Variants in PRKG1 observed in about 807,000 individuals in gnomAD.
PRKG1 encodes the protein cGMP-dependent protein kinase 1.
In PRKG1, 35 loss-of-function variants were observed where a neutral mutation model predicts 88.1. That is an observed-to-expected ratio of 0.40 (90% CI 0.30 to 0.53). PRKG1 has a LOEUF of 0.53. PRKG1 is among the 20% of genes least tolerant of loss of function. PRKG1 has a pLI of 0.59. For synonymous variants in PRKG1, 303 were observed against 292.5 expected (o/e 1.04, Z -0.37); for missense variants, 540 against 839.8 (o/e 0.64, Z 4.41).
At chr10:51,377,922 G>A (rs879606631) in intron 2 of PRKG1, among the ~76,000 whole-genome samples, 1 of 152,178 alleles carries the variant, frequency 6.6e-6, no homozygotes, top group Non-Finnish European at 1.5e-5. Flanking sequence ...TCTGAAGGTT[G>A]AGAGACCTGG....
intron 5 of PRKG1, among the ~76,000 whole-genome samples, chr10:52,027,044 G>C (rs1845359085): frequency 6.6e-6 from 1 of 152,176 alleles, no homozygotes; most frequent in Non-Finnish European, 1.5e-5. Flanking sequence ...ATTGTTTTGT[G>C]ACTGTGTCTG....
intron 5 of PRKG1, among the ~76,000 whole-genome samples, chr10:52,012,285 A>G (rs1844908113): frequency 6.9e-6 from 1 of 144,448 alleles, no homozygotes; most frequent in Non-Finnish European, 1.5e-5. Context: ...TGTAGTGCCC[A>G]GGCTGGAGTA....
intron 4 of PRKG1, among the ~76,000 whole-genome samples, chr10:51,834,906 G>T (rs1230877317): frequency 6.6e-6 from 1 of 151,964 alleles, no homozygotes; most frequent in Non-Finnish European, 1.5e-5. Flanking sequence ...AGAAACATCA[G>T]AAATTAATTG....
At position 51,339,925 on chromosome 10, in the gene PRKG1, T is replaced by C. The variant is rs537789946; in HGVS notation, c.479-127798T>C. On this transcript the variant is annotated intron_variant, in intron 2 of 17. Coordinates refer to ENST00000373980, the MANE Select transcript of PRKG1 (RefSeq NM_006258.4). ...TCCTACAGATAAATTCCTAGAAGAC[T>C]TGCTGAGACAAGATGTTATCACATT... 3.3e-5 allele frequency among the ~76,000 whole-genome samples: 5 copies of C among 152,242 alleles called. No homozygotes were observed. The East Asian group carries it at 9.6e-4, about 29-fold the overall frequency.
chr10:51,699,969 C>G (rs1211215889), intron 3 of PRKG1, among the ~76,000 whole-genome samples: 1 of 152,230 alleles, frequency 6.6e-6, no homozygotes, highest in Non-Finnish European at 1.5e-5. Flanking sequence ...AACCGCCAAC[C>G]GAAAGCGGAT....
intron 2 of PRKG1, among the ~76,000 whole-genome samples, chr10:51,261,881 A>ATTTTTTTTTT (rs375382268): frequency 0.01 from 1,263 of 120,496 alleles, 29 homozygotes; most frequent in Non-Finnish European, 0.015. Flanking sequence ...GGATTTTCTA[A>ATTTTTTTTTT]TTTTTTTTTT....
intron 2 of PRKG1, among the ~76,000 whole-genome samples, chr10:51,182,982 G>T (rs1458773111): frequency 2.0e-5 from 3 of 152,084 alleles, no homozygotes; most frequent in Non-Finnish European, 4.4e-5. Context: ...ATTGATTTTG[G>T]ACATATTTAA....
At chr10:51,887,278 C>T (rs538215703) in intron 4 of PRKG1, among the ~76,000 whole-genome samples, 50 of 151,770 alleles carry the variant, frequency 3.3e-4, no homozygotes, top group African/African-American at 1.1e-3. Context: ...AGCCACAGCA[C>T]CTGGCCCACG....
chr10:51,069,310 A>G (rs995296563), intron 1 of PRKG1, among the ~76,000 whole-genome samples: 9 of 151,988 alleles, frequency 5.9e-5, no homozygotes, highest in African/African-American at 2.2e-4. Flanking sequence ...CAGCCAAACT[A>G]TTTCAATTTT....
intron 9 of PRKG1, among the ~76,000 whole-genome samples, chr10:52,189,910 T>C (rs1361662679): frequency 6.6e-6 from 1 of 152,202 alleles, no homozygotes; most frequent in Non-Finnish European, 1.5e-5. Context: ...TAATAATGAG[T>C]ATTCTCATTT....
chr10:52,163,417 T>A (rs980211805), intron 9 of PRKG1, among the ~76,000 whole-genome samples: 1 of 151,174 alleles, frequency 6.6e-6, no homozygotes, highest in Non-Finnish European at 1.5e-5. Flanking sequence ...ATAGAACAAC[T>A]GATGGTAATC....
At chr10:52,188,333 T>C (rs992671255) in intron 9 of PRKG1, among the ~76,000 whole-genome samples, 11 of 144,348 alleles carry the variant, frequency 7.6e-5, no homozygotes, top group African/African-American at 1.8e-4. Flanking sequence ...TATATACACA[T>C]ATATATATAT....
chr10:51,978,242 T>A (rs985753620), intron 5 of PRKG1, among the ~76,000 whole-genome samples: 2 of 152,108 alleles, frequency 1.3e-5, no homozygotes, highest in African/African-American at 4.8e-5. Flanking sequence ...CTTGTTTTTG[T>A]CAGCTTTGTT....
chr10:51,082,585 G>A (rs1439941895), intron 1 of PRKG1, among the ~76,000 whole-genome samples: 4 of 152,050 alleles, frequency 2.6e-5, no homozygotes, highest in Non-Finnish European at 5.9e-5. Context: ...GACAAGAGGA[G>A]TGTGTGTGTT....
chr10:52,077,579 TA>T (rs1480416283), intron 7 of PRKG1, among the ~76,000 whole-genome samples: 1 of 152,212 alleles, frequency 6.6e-6, no homozygotes, highest in African/African-American at 2.4e-5. Context: ...TTGTACATTT[TA>T]AATGTGCAGC....
chr10:52,116,305 TAAACA>T (rs1309908637), intron 7 of PRKG1, among the ~76,000 whole-genome samples: 2 of 152,166 alleles, frequency 1.3e-5, no homozygotes, highest in Non-Finnish European at 2.9e-5. Flanking sequence ...ACACTTATAC[TAAACA>T]AAAGTACTCA....
At chr10:51,882,290 C>A (rs1184435413) in intron 4 of PRKG1, among the ~76,000 whole-genome samples, 2 of 152,172 alleles carry the variant, frequency 1.3e-5, no homozygotes, top group Non-Finnish European at 2.9e-5. Flanking sequence ...GCTCTTTCTC[C>A]AACCAGGTAC....
intron 3 of PRKG1, among the ~76,000 whole-genome samples, chr10:51,625,508 T>G (rs1397503963): frequency 6.6e-6 from 1 of 151,800 alleles, no homozygotes; most frequent in Non-Finnish European, 1.5e-5. Context: ...GAAAGACCCA[T>G]AGACACAGAA....
At position 52,136,640 on chromosome 10, in the gene PRKG1, GA is replaced by G. The variant is rs144384772; in HGVS notation, c.1001+2740del. 6.8e-3 allele frequency among the ~76,000 whole-genome samples: 1,028 copies of G among 152,120 alleles called. 8 individuals carry two copies. The highest frequency in any genetic ancestry group is 0.024 in the African/African-American group (998 of 41,540). ...ATTCTGAGTCTCAGTTTTCCTGTCTGAAAAATTGGATAACATTATCAAAATT... is the reference window on the plus strand; with the variant it reads ...ATTCTGAGTCTCAGTTTTCCTGTCTGAAAATTGGATAACATTATCAAAATT... On this transcript the variant is annotated intron_variant, in intron 8 of 17. Coordinates refer to ENST00000373980, the MANE Select transcript of PRKG1 (RefSeq NM_006258.4).
Sources: gnomAD v4.1 joint callset for allele counts (sites outside exome capture counted in the v4.1 genomes callset) on GRCh38, gnomAD v4.1.1 for gene constraint, MANE v1.5 for transcripts, NCBI Gene and HGNC (gene_info 2026-07-23, HGNC 2026-07-21) for gene names.